POLG: variants seen among roughly 807,000 people sequenced by gnomAD.
The protein encoded by POLG is DNA polymerase gamma, catalytic subunit.
POLG carries 110 observed loss-of-function variants against 155.4 expected under a neutral mutation model. The observed-to-expected ratio is 0.71, with a 90% CI of 0.61 to 0.83. POLG has a LOEUF of 0.83. Ranked by LOEUF, POLG falls within the 40% of genes least tolerant of loss-of-function variation. The pLI is 0.00. For synonymous variants in POLG, 701 were observed against 631.5 expected (o/e 1.11, Z -1.65); for missense variants, 1,685 against 1,627.5 (o/e 1.04, Z -0.61).
chr15:89,325,057 A>AGAGT lies in POLG; in HGVS notation c.1949+389_1949+392dup, dbSNP rs1173555720. ...CCCAGAGAGTGAGTGAGTGAGTGAG[A>AGAGT]GAGTGAGTGAGTGAGTGAGTGAGTG... On this transcript the variant is annotated intron_variant, in intron 10 of 22. Transcript: ENST00000268124. 6.5e-3 allele frequency among the ~76,000 whole-genome samples: 568 copies of AGAGT among 87,684 alleles called. 97 individuals carry two copies. The highest frequency in any genetic ancestry group is 0.022 in the African/African-American group (282 of 12,674). The allele number at this position is 87,684 out of a possible 152,430, so 57.5% of individuals were successfully genotyped here. A position where few individuals can be genotyped will look rare whatever the true frequency, so the allele number is the denominator to read the frequency against.
At position 89,317,463 on chromosome 15, in the gene POLG, C is replaced by G; in HGVS notation, c.3556G>C (p.Asp1186His). The G allele has an allele frequency of 6.2e-7, 1 of 1,614,052 alleles. No homozygotes were observed. Among genetic ancestry groups the G allele is most frequent in the Non-Finnish European group, 8.5e-7 (1 of 1,179,974 alleles). ...SVAFFSAVDI[D>H]RCLRKEVTMD... is the part of the protein sequence containing the mutation. The stretch of plus-strand genomic sequence containing the variant: ...GTCACTTCCTTCCTGAGGCACCGGT[C>G]AATATCGACTGCACTGAAAAAGGCG... The change falls in exon 22 of 23, where the codon GAC (aspartate) becomes CAC (histidine). Residue 1186 changes from aspartate (D) to histidine (H), a missense_variant. Physicochemically the swap from Asp to His is moderately conservative, Grantham distance 81. Transcript: ENST00000268124.
chr15:89,321,278 T>C lies in POLG; in HGVS notation c.2599-18A>G. On this transcript the variant is annotated intron_variant, in intron 16 of 22. Coordinates refer to ENST00000268124, the MANE Select transcript of POLG (RefSeq NM_002693.3). ...CGGTCAGGCTGTGGGAAGAGTGAGA[T>C]ACCCAAATGAGACTCTTCCTACCCC... 6.2e-7 allele frequency: 1 copy of C among 1,613,604 alleles called. No homozygotes were observed. Among genetic ancestry groups the C allele is most frequent in the South Asian group, 1.1e-5 (1 of 90,972 alleles).
rs1001570418 is a variant in POLG, at chr15:89,325,609, C to T, written c.1790G>A (p.Arg597Gln). The change falls in exon 10 of 23, where the codon CGG becomes CAG. Residue 597 changes from arginine (R) to glutamine (Q), a missense_variant. Arg to Gln is a conservative substitution (Grantham distance 43). This residue lies in a region of POLG where 1,210 missense variants were observed against 1,167.1 expected (regional missense o/e 1.04). Transcript: ENST00000268124. Reference protein sequence around the residue: ...PGPSLLSLQMRVTPKLMALTW... With the variant: ...PGPSLLSLQMQVTPKLMALTW... ...AAGTGCCATGAGTTTAGGTGTGACC[C>T]GCATCTGCAGGCTGAGGAGGCTGGG... 5.0e-6 allele frequency: 8 copies of T among 1,613,604 alleles called. No homozygotes were observed. The highest frequency in any genetic ancestry group is 4.5e-5 in the East Asian group (2 of 44,898).
Position 89,321,756 on chromosome 15 carries a change from G to C in POLG, c.2578C>G (p.Leu860Val). The stretch of plus-strand genomic sequence containing the variant: ...CATACCCGGGCATTGCTGGCGGTGA[G>C]CCATGTGGGCTCCACAGCCCGGCGA... ...ITRRAVEPTW[L>V]TASNARPDRV... is the part of the protein sequence containing the mutation. Residue 860 changes from leucine to valine, a missense_variant, in exon 16 of 23, where the codon CTC becomes GTC. Physicochemically the swap from Leu to Val is conservative, Grantham distance 32. This residue lies in a region of POLG where 1,210 missense variants were observed against 1,167.1 expected (regional missense o/e 1.04). Coordinates refer to ENST00000268124, the MANE Select transcript of POLG (RefSeq NM_002693.3). 1.2e-6 allele frequency: 2 copies of C among 1,613,598 alleles called. No homozygotes were observed. The highest frequency in any genetic ancestry group is 2.2e-5 in the South Asian group (2 of 91,072).
At position 89,322,840 on chromosome 15, in the gene POLG, AT is replaced by A; in HGVS notation, c.2327del (p.Asp776ValfsTer22). The A allele has an allele frequency of 6.2e-7, 1 of 1,614,048 alleles. No individual in the cohort carries two copies. The highest frequency in any genetic ancestry group is 8.5e-7 in the Non-Finnish European group (1 of 1,179,974). On this transcript the variant is annotated frameshift_variant, in exon 14 of 23. Transcript: ENST00000268124. LOFTEE classifies it high-confidence loss of function. ...CTCCTGGGCCAGCCTGCAGGGTGCC[AT>A]CCTCCATCTTGGGCAGGAAGTCCTT... ...FAKDFLPKME[D>X]GTLQAGPGGA...
At chr15:89,324,378 C>A in intron 10 of POLG, 151 bp from the exon 11 acceptor site, 1 of 882,020 alleles carries the variant, frequency 1.1e-6, no homozygotes, top group Non-Finnish European at 1.8e-6. Context: ...GGGTTTTAGA[C>A]AGGGATTGAT....
intron 7 of POLG, 37 bp from the exon 8 acceptor site, chr15:89,327,100 A>G: frequency 6.2e-7 from 1 of 1,614,186 alleles, no homozygotes; most frequent in Non-Finnish European, 8.5e-7. Flanking sequence ...GCTAAGGCTA[A>G]GCCGAAGGCT....
At position 89,333,212 on chromosome 15, in the gene POLG, C is replaced by T. The variant is rs773882973; in HGVS notation, c.543G>A (p.Glu181=). Reference sequence around the variant, plus strand: ...GGATGGCCACGGGTACGGCCTCCCCCTCGGGGCCGTACCGGGTCCAGCCCT... The same window carrying T: ...GGATGGCCACGGGTACGGCCTCCCCTTCGGGGCCGTACCGGGTCCAGCCCT... ...WAEGWTRYGP[E]GEAVPVAIPE... The change falls in exon 2 of 23, where the codon GAG becomes GAA. Residue 181 remains glutamate, a synonymous_variant. Coordinates refer to ENST00000268124, the MANE Select transcript of POLG (RefSeq NM_002693.3). The T allele has an allele frequency of 1.7e-5, 27 of 1,577,648 alleles. No individual in the cohort carries two copies. Among genetic ancestry groups the T allele is most frequent in the Non-Finnish European group, 2.3e-5 (27 of 1,158,566 alleles).
Position 89,316,619 on chromosome 15 carries a change from G to A in POLG, c.*132C>T, listed in dbSNP as rs2055273831. 2 of 1,109,258 alleles carry A rather than the reference G, an allele frequency of 1.8e-6. No homozygotes were observed. The highest frequency in any genetic ancestry group is 2.7e-6 in the Non-Finnish European group (2 of 734,234). The allele number at this position is 1,109,258 out of a possible 1,614,324, so 68.7% of individuals were successfully genotyped here. On this transcript the variant is annotated 3_prime_UTR_variant, in exon 23 of 23. Transcript: ENST00000268124. ...TCAGTTAGAAGGAATCTTCTTGGCAGGTCCTGCTACTGAAAAATGGCTGGC... is the reference window on the plus strand; with the variant it reads ...TCAGTTAGAAGGAATCTTCTTGGCAAGTCCTGCTACTGAAAAATGGCTGGC...
intron 13 of POLG, among the ~76,000 whole-genome samples, chr15:89,323,178 G>C (rs902286041): frequency 6.6e-6 from 1 of 152,122 alleles, no homozygotes; most frequent in African/African-American, 2.4e-5. Context: ...CCAAACATAC[G>C]ACGTGCCCCA....
rs1466612490 is a variant in POLG at position 89,328,630 on chromosome 15, T to C, written c.1170+55A>G. Reference sequence around the variant, plus strand: ...GGCCTGGCAGCTGCATCTCCCCAAGTGCAGCTAGGGGTGTGCCACAGCCCA... The same window carrying C: ...GGCCTGGCAGCTGCATCTCCCCAAGCGCAGCTAGGGGTGTGCCACAGCCCA... On this transcript the variant is annotated intron_variant, in intron 5 of 22. Coordinates refer to ENST00000268124, the MANE Select transcript of POLG (RefSeq NM_002693.3). 4 of 1,609,858 alleles carry C rather than the reference T, an allele frequency of 2.5e-6. No individual in the cohort carries two copies. In the Admixed American group the frequency reaches 6.7e-5, roughly 27 times the overall value.
chr15:89,325,641 G>T lies in POLG; in HGVS notation c.1758C>A (p.Thr586=). 1.9e-6 allele frequency: 3 copies of T among 1,612,414 alleles called. No individual in the cohort carries two copies. The South Asian group carries it at 3.3e-5, about 18-fold the overall frequency. ...LCPRLDDPAW[T]PGPSLLSLQM... ...GCAGGCTGAGGAGGCTGGGGCCCGG[G>T]GTCCATGCAGGGTCGTCTAGCCGGG... Residue 586 remains threonine (T), a synonymous_variant, in exon 10 of 23, where the codon ACC becomes ACA. Coordinates refer to ENST00000268124, the MANE Select transcript of POLG (RefSeq NM_002693.3).
intron 6 of POLG, among the ~76,000 whole-genome samples, chr15:89,327,904 A>G (rs889985645): frequency 3.9e-4 from 59 of 151,828 alleles, no homozygotes; most frequent in African/African-American, 1.4e-3. Flanking sequence ...TCTCCTCATG[A>G]TTTTCTTAAT....
intron 12 of POLG, 125 bp downstream of exon 12, chr15:89,323,690 G>A (rs2055430788): frequency 1.1e-6 from 1 of 889,670 alleles, no homozygotes; most frequent in Middle Eastern, 3.2e-4. Flanking sequence ...GCCTCCCAGG[G>A]GCAGGGTGGC....
rs1049107490 is a variant in POLG at position 89,323,861 on chromosome 15, T to G, written c.2111A>C (p.Lys704Thr). 8 of 1,614,038 alleles carry G rather than the reference T, an allele frequency of 5.0e-6. No homozygotes were observed. The highest frequency in any genetic ancestry group is 4.0e-5 in the African/African-American group (3 of 74,928). ...CACTGCAGCTCGCAAGTTCTCCATC[T>G]TGGCCTCAGCCTCCACTTCTAAGTA... ...LDYLEVEAEA[K>T]MENLRAAVPG... Residue 704 changes from lysine (K) to threonine (T), a missense_variant, in exon 12 of 23, where the codon AAG becomes ACG. This residue lies in a region of POLG where 1,210 missense variants were observed against 1,167.1 expected (regional missense o/e 1.04). Coordinates refer to ENST00000268124, the MANE Select transcript of POLG (RefSeq NM_002693.3).
Position 89,322,949 on chromosome 15 carries a change from CT to C in POLG, c.2266-48del, listed in dbSNP as rs766283304. Reference sequence around the variant, plus strand: ...GGGGCTGGAGGCAGGTGGCAGACCCCTGGGTGGGGAACCAACGTGAGTACCT... The same window carrying C: ...GGGGCTGGAGGCAGGTGGCAGACCCCGGGTGGGGAACCAACGTGAGTACCT... On this transcript the variant is annotated intron_variant, in intron 13 of 22. Transcript: ENST00000268124. 2.9e-5 allele frequency: 47 copies of C among 1,597,338 alleles called. No individual in the cohort carries two copies. The Admixed American group carries it at 4.2e-4, about 14-fold the overall frequency.
chr15:89,323,740 A>G (rs2055431557), intron 12 of POLG, 75 bp downstream of exon 12: 1 of 1,234,972 alleles, frequency 8.1e-7, no homozygotes, highest in Non-Finnish European at 1.2e-6. Flanking sequence ...TCTGGCTGGG[A>G]AGAACTAGGT....
chr15:89,325,299 G>GAGTGTGTGT, intron 10 of POLG, 151 bp downstream of exon 10: 2 of 527,320 alleles, frequency 3.8e-6, no homozygotes. Flanking sequence ...AGAGAGAGAG[G>GAGTGTGTGT]GTGTGTGTGT....
At chr15:89,321,666 G>C in intron 16 of POLG, 70 bp downstream of exon 16, 1 of 1,086,206 alleles carries the variant, frequency 9.2e-7, no homozygotes, top group Non-Finnish European at 1.4e-6. Context: ...ATACCTAAAG[G>C]CCCTCAGAGC....
Sources: allele counts gnomAD v4.1 joint callset (sites outside exome capture counted in the v4.1 genomes callset), GRCh38; gene constraint gnomAD v4.1.1; regional missense constraint gnomAD v4.1.1; transcripts MANE v1.5; gene names NCBI Gene and HGNC (gene_info 2026-07-23, HGNC 2026-07-21).